ADAMTS10: variants seen among roughly 807,000 people sequenced by gnomAD.
ADAMTS10 encodes A disintegrin and metalloproteinase with thrombospondin motifs 10.
Under a neutral mutation model 135.9 loss-of-function variants are expected in ADAMTS10, and 48 were observed. The observed-to-expected ratio is 0.35, with a 90% confidence interval of 0.28 to 0.45. The LOEUF (loss-of-function observed/expected upper bound fraction) is 0.45, where lower values mean the gene tolerates loss of function less well. Ranked by LOEUF, ADAMTS10 falls within the 20% of genes least tolerant of loss-of-function variation. The pLI is 1.00. For missense variants in ADAMTS10, 1,131 were observed against 1,565.2 expected (o/e 0.72, Z 4.68); for synonymous variants, 621 against 647.5 (o/e 0.96, Z 0.62).
Position 8,605,091 on chromosome 19 carries a change from C to G in ADAMTS10, c.356G>C (p.Arg119Pro), listed in dbSNP as rs3814291. 10 of 1,612,738 alleles carry G rather than the reference C, an allele frequency of 6.2e-6. No individual in the cohort carries two copies. The highest frequency in any genetic ancestry group is 3.3e-5 in the Admixed American group (2 of 59,912). Residue 119 changes from arginine to proline, a missense_variant, in exon 4 of 26, where the codon CGG (arginine) becomes CCG (proline). Coordinates refer to ENST00000597188, the MANE Select transcript of ADAMTS10 (RefSeq NM_030957.4). This position sits in a 1 kb window ranked among gnomAD's most constrained non-coding sequence, Gnocchi z 7.7. ...GTGACCAGCGTAGAGGCAGTGGGGC[C>G]GGGCCGCCCTCTGCCAGGCCAGGCC... ...REGLAWQRAA[R>P]PHCLYAGHLQ...
At position 8,592,760 on chromosome 19, in the gene ADAMTS10, C is replaced by T; in HGVS notation, c.1587+3G>A. 3.1e-6 allele frequency: 5 copies of T among 1,610,318 alleles called. No individual in the cohort carries two copies. The highest frequency in any genetic ancestry group is 3.4e-6 in the Non-Finnish European group (4 of 1,179,610). Reference sequence around the variant, plus strand: ...CCAGTTGGGGGCCCTGGCCGGCGCTCACCCCCTTGTCGATGGTGTGCGTCT... The same window carrying T: ...CCAGTTGGGGGCCCTGGCCGGCGCTTACCCCCTTGTCGATGGTGTGCGTCT... On this transcript the variant is annotated splice_donor_region_variant and intron_variant, in intron 13 of 25. Coordinates refer to ENST00000597188, the MANE Select transcript of ADAMTS10 (RefSeq NM_030957.4).
chr19:8,582,088 TC>T (rs1483136679), intron 25 of ADAMTS10, among the ~76,000 whole-genome samples: 1 of 151,822 alleles, frequency 6.6e-6, no homozygotes, highest in Non-Finnish European at 1.5e-5. Context: ...AGACAAATAT[TC>T]CCTTTCCTTT....
At position 8,585,500 on chromosome 19, in the gene ADAMTS10, C is replaced by T. The variant is rs782448026; in HGVS notation, c.2821G>A (p.Gly941Ser). The T allele has an allele frequency of 5.8e-6, 9 of 1,542,244 alleles. No homozygotes were observed. In the East Asian group the frequency reaches 1.9e-4, roughly 33 times the overall value. ...GCCCACTCCGGAGGGCAAGTGGGGC[C>T]GTGGCAGGCCTCCAGTACAGGTGGG... ...PRPPVLEACH[G>S]PTCPPEWAAL... Residue 941 changes from glycine (G) to serine (S), a missense_variant, in exon 23 of 26, where the codon GGC (glycine) becomes AGC (serine). Transcript: ENST00000597188.
intron 12 of ADAMTS10, among the ~76,000 whole-genome samples, chr19:8,593,898 T>A (rs927881299): frequency 6.6e-6 from 1 of 152,188 alleles, no homozygotes; most frequent in Non-Finnish European, 1.5e-5. Flanking sequence ...GATCGATCAA[T>A]GGCCACAGGA....
intron 12 of ADAMTS10, among the ~76,000 whole-genome samples, chr19:8,595,151 G>A (rs1278505356): frequency 1.3e-5 from 2 of 152,144 alleles, no homozygotes; most frequent in Admixed American, 6.5e-5. Context: ...AGCAGATCCT[G>A]GCTGAACCTT....
At chr19:8,602,966 T>C (rs1464228508) in intron 5 of ADAMTS10, among the ~76,000 whole-genome samples, 1 of 152,150 alleles carries the variant, frequency 6.6e-6, no homozygotes, top group Middle Eastern at 3.2e-3. Context: ...TTGGTAAGTA[T>C]TTTGTTGGTG....
In ADAMTS10 at chr19:8,585,148, G is replaced by A. The variant is rs995947872; in HGVS notation, c.3026C>T (p.Ala1009Val). 7.1e-7 allele frequency: 1 copy of A among 1,411,546 alleles called. No individual in the cohort carries two copies. The highest frequency in any genetic ancestry group is 2.2e-4 in the Middle Eastern group (1 of 4,542). The allele number at this position is 1,411,546 out of a possible 1,614,324, so 87.4% of individuals were successfully genotyped here. ...CCCTCCTACCTCACCCCACTCGCCAGCCACCCAGCGGGCCGGGGGGCAGCG... is the reference window on the plus strand; with the variant it reads ...CCCTCCTACCTCACCCCACTCGCCAACCACCCAGCGGGCCGGGGGGCAGCG... Reference protein sequence around the residue: ...LRRCPPARWVAGEWGECSAQC... With the variant: ...LRRCPPARWVVGEWGECSAQC... The change falls in exon 24 of 26, where the codon GCT (alanine) becomes GTT (valine). Residue 1009 changes from alanine to valine, a missense_variant. By Grantham distance (64) the Ala-to-Val change is moderately conservative. Coordinates refer to ENST00000597188, the MANE Select transcript of ADAMTS10 (RefSeq NM_030957.4).
Position 8,589,230 on chromosome 19 carries a change from G to A in ADAMTS10, c.2158+12C>T. The A allele has an allele frequency of 1.2e-6, 2 of 1,612,436 alleles. No individual in the cohort carries two copies. The highest frequency in any genetic ancestry group is 1.3e-5 in the African/African-American group (1 of 75,026). Reference sequence around the variant, plus strand: ...ATGCAGGGAGTGTGGGAGGGAAGCTGGAGACTCTCACCGGCCCCAGGTGAG... The same window carrying A: ...ATGCAGGGAGTGTGGGAGGGAAGCTAGAGACTCTCACCGGCCCCAGGTGAG... On this transcript the variant is annotated intron_variant, in intron 18 of 25. Transcript: ENST00000597188.
chr19:8,597,949 G>A (rs953665104), intron 6 of ADAMTS10, among the ~76,000 whole-genome samples: 7 of 152,026 alleles, frequency 4.6e-5, no homozygotes, highest in Non-Finnish European at 1.0e-4. Flanking sequence ...GATTACAGGC[G>A]TGAGCCACCG....
intron 24 of ADAMTS10, 33 bp from the exon 25 acceptor site, chr19:8,585,087 CAG>C: frequency 6.7e-7 from 1 of 1,501,206 alleles, no homozygotes; most frequent in Non-Finnish European, 8.9e-7. Context: ...TGCTGCCCCG[CAG>C]CCCCTGCCCT....
chr19:8,588,483 C>A (rs572243410), intron 18 of ADAMTS10, among the ~76,000 whole-genome samples: 1 of 152,228 alleles, frequency 6.6e-6, no homozygotes, highest in South Asian at 2.1e-4. Flanking sequence ...TCCTGCCTCA[C>A]CTGGACACAC....
At position 8,586,707 on chromosome 19, in the gene ADAMTS10, G is replaced by A. The variant is rs1289683166; in HGVS notation, c.2254C>T (p.Gln752Ter). ...SLSHLALKGD[Q>*]ESLLLEGLPG... Reference sequence around the variant, plus strand: ...AGCCCCTCCAGCAGCAGGGACTCCTGGTCTCCCTTCAGGGCTGGGGGACGA... The same window carrying A: ...AGCCCCTCCAGCAGCAGGGACTCCTAGTCTCCCTTCAGGGCTGGGGGACGA... Residue 752 changes from glutamine (Q) to a stop codon, truncating the protein, a stop_gained, in exon 20 of 26, where the codon CAG becomes TAG. Coordinates refer to ENST00000597188, the MANE Select transcript of ADAMTS10 (RefSeq NM_030957.4). LOFTEE classifies it high-confidence loss of function. 4 of 1,613,120 alleles carry A rather than the reference G, an allele frequency of 2.5e-6. No individual in the cohort carries two copies. The highest frequency in any genetic ancestry group is 3.4e-6 in the Non-Finnish European group (4 of 1,179,332).
At position 8,601,211 on chromosome 19, in the gene ADAMTS10, G is replaced by C. The variant is rs533462079; in HGVS notation, c.593-66C>G. On this transcript the variant is annotated intron_variant, in intron 5 of 25. Coordinates refer to ENST00000597188, the MANE Select transcript of ADAMTS10 (RefSeq NM_030957.4). This position sits in a 1 kb window ranked among gnomAD's most constrained non-coding sequence, Gnocchi z 4.6. Reference sequence around the variant, plus strand: ...TGGGACGCAGAGCTGCCTGACAACTGTCTTGTCCAACCTCTGACTGGCTAC... The same window carrying C: ...TGGGACGCAGAGCTGCCTGACAACTCTCTTGTCCAACCTCTGACTGGCTAC... 279 of 1,551,304 alleles carry C rather than the reference G, an allele frequency of 1.8e-4. No individual in the cohort carries two copies. Among genetic ancestry groups the C allele is most frequent in the Middle Eastern group, 6.8e-4 (3 of 4,406 alleles).
At chr19:8,583,611 C>T (rs2042382601) in intron 25 of ADAMTS10, among the ~76,000 whole-genome samples, 1 of 152,116 alleles carries the variant, frequency 6.6e-6, no homozygotes, top group Admixed American at 6.6e-5. Flanking sequence ...CTTTGGGAGG[C>T]CGAGGCGGGT....
rs1313548379 is a variant in ADAMTS10, at chr19:8,600,734, G to A, written c.810+194C>T. Among the ~76,000 whole-genome samples the A allele has an allele frequency of 3.3e-5, 5 of 152,150 alleles. No homozygotes were observed. In the East Asian group the frequency reaches 9.7e-4, roughly 29 times the overall value. ...AGGATGGTCTCCATCTCCTGACCTT[G>A]TGATCTGCCCGCCTTGGCCTCCCGA... On this transcript the variant is annotated intron_variant, in intron 6 of 25. Transcript: ENST00000597188.
At chr19:8,598,565 A>ATTTTTTTTTT in intron 6 of ADAMTS10, among the ~76,000 whole-genome samples, 1 of 70,748 alleles carries the variant, frequency 1.4e-5, no homozygotes, top group East Asian at 4.0e-4. Context: ...AATCCCCAGA[A>ATTTTTTTTTT]TTTTTTTTTT....
Position 8,589,772 on chromosome 19 carries a change from C to T in ADAMTS10, c.1900+117G>A, listed in dbSNP as rs1421617606. 7 of 1,414,032 alleles carry T rather than the reference C, an allele frequency of 5.0e-6. 1 individual carries two copies. In the South Asian group the frequency reaches 7.2e-5, roughly 15 times the overall value. The allele number at this position is 1,414,032 out of a possible 1,614,324, so 87.6% of individuals were successfully genotyped here. A position where few individuals can be genotyped will look rare whatever the true frequency, so the allele number is the denominator to read the frequency against. The stretch of plus-strand genomic sequence containing the variant: ...GTACCGTATCCCAGGTACTCTGTCT[C>T]CCCGGGTGGGGACAGGGCTCAGGGC... On this transcript the variant is annotated intron_variant, in intron 16 of 25. Transcript: ENST00000597188.
At chr19:8,587,025 C>T in intron 18 of ADAMTS10, 129 bp from the exon 19 acceptor site, 2 of 976,674 alleles carry the variant, frequency 2.0e-6, no homozygotes, top group South Asian at 1.4e-5. Flanking sequence ...TGCACCCCTG[C>T]CCCACCCTTG....
Position 8,586,856 on chromosome 19 carries a change from G to A in ADAMTS10, c.2199C>T (p.His733=). The A allele has an allele frequency of 1.9e-6, 3 of 1,614,178 alleles. No homozygotes were observed. The highest frequency in any genetic ancestry group is 2.5e-6 in the Non-Finnish European group (3 of 1,180,028). The change falls in exon 19 of 26, where the codon CAC becomes CAT. Residue 733 remains histidine, a synonymous_variant. Transcript: ENST00000597188. ...DVVWIPKGSV[H]IFIQDLNLSL... is the part of the protein sequence containing the mutation. ...AGAGGTTCAGATCCTGGATGAAGAT[G>A]TGGACGGAGCCTTTGGGAATCCAGA...
Sources: allele counts gnomAD v4.1 joint callset (sites outside exome capture counted in the v4.1 genomes callset), GRCh38; gene constraint gnomAD v4.1.1; non-coding constraint Gnocchi (gnomAD v3.1); transcripts MANE v1.5; gene names NCBI Gene and HGNC (gene_info 2026-07-23, HGNC 2026-07-21).